Variants in HHLA2 observed in about 807,000 individuals in gnomAD.
The protein encoded by HHLA2 is HERV-H LTR-associating protein 2.
HHLA2 carries 48 observed loss-of-function variants against 45.9 expected under a neutral mutation model. The observed-to-expected ratio is 1.05, with a 90% CI of 0.83 to 1.33. The LOEUF (loss-of-function observed/expected upper bound fraction) is 1.33. Ranked by LOEUF, HHLA2 falls within the 40% of genes most tolerant of loss-of-function variation. The pLI, the probability that HHLA2 is intolerant of heterozygous loss-of-function variation, is 0.00. For missense variants in HHLA2, 462 were observed against 494.3 expected (o/e 0.93, Z 0.62); for synonymous variants, 161 against 173.9 (o/e 0.93, Z 0.59).
At chr3:108,306,773 C>A (rs2080937154) in intron 1 of HHLA2, among the ~76,000 whole-genome samples, 1 of 152,162 alleles carries the variant, frequency 6.6e-6, no homozygotes, top group African/African-American at 2.4e-5. Flanking sequence ...TCTTGTTAAT[C>A]AATTTTTGAC....
chr3:108,344,001 T>C (rs1011544629), intron 3 of HHLA2, among the ~76,000 whole-genome samples: 1 of 152,216 alleles, frequency 6.6e-6, no homozygotes, highest in Non-Finnish European at 1.5e-5. Context: ...AGAGCTTTCA[T>C]TACTTCAGTG....
At chr3:108,377,076 T>G (rs1041561631) in intron 10 of HHLA2, 182 bp from the exon 10 acceptor site, 4 of 561,290 alleles carry the variant, frequency 7.1e-6, no homozygotes, top group Non-Finnish European at 1.3e-5. Flanking sequence ...AGATTAAAAT[T>G]AACTGATAAG....
chr3:108,376,790 ATTG>A (rs2107524271), intron 10 of HHLA2: 1 of 431,450 alleles, frequency 2.3e-6, no homozygotes, highest in East Asian at 4.1e-5. Context: ...CTTGTCTCCT[ATTG>A]TTATTTGTAG....
intron 3 of HHLA2, among the ~76,000 whole-genome samples, chr3:108,329,560 A>C (rs2081348462): frequency 1.3e-5 from 2 of 152,142 alleles, no homozygotes; most frequent in Admixed American, 1.3e-4. Context: ...AAAGATTCTG[A>C]ACTTAAAGGG....
chr3:108,334,392 C>T (rs1010562589), intron 3 of HHLA2, among the ~76,000 whole-genome samples: 4 of 152,172 alleles, frequency 2.6e-5, no homozygotes, highest in African/African-American at 7.2e-5. Flanking sequence ...GAATAAGGTA[C>T]GAGTATCTGC....
intron 1 of HHLA2, among the ~76,000 whole-genome samples, chr3:108,308,673 T>C (rs1317449546): frequency 6.6e-6 from 1 of 152,236 alleles, no homozygotes; most frequent in Non-Finnish European, 1.5e-5. Context: ...TGCCAGCATT[T>C]GTTATTGCCT....
At chr3:108,338,183 GATATCTATATATCAAAGAT>G (rs1182122818) in intron 3 of HHLA2, among the ~76,000 whole-genome samples, 1 of 150,796 alleles carries the variant, frequency 6.6e-6, no homozygotes, top group East Asian at 1.9e-4. Context: ...ATATAGATTT[GATATCTATATATCAAAGAT>G]ATATATATAT....
At chr3:108,331,971 G>A (rs1321573992) in intron 3 of HHLA2, among the ~76,000 whole-genome samples, 2 of 152,116 alleles carry the variant, frequency 1.3e-5, no homozygotes, top group Non-Finnish European at 2.9e-5. Context: ...AGATGGAGAG[G>A]AATCTTGTGG....
At chr3:108,358,919 A>G (rs1212959396) in intron 7 of HHLA2, among the ~76,000 whole-genome samples, 17 of 152,190 alleles carry the variant, frequency 1.1e-4, no homozygotes, top group Admixed American at 1.1e-3. Context: ...TGGTGATTCT[A>G]CGTAGTGAGA....
At chr3:108,351,692 G>A (rs1275112883) in intron 3 of HHLA2, 96 bp from the exon 3 acceptor site, 1 of 678,666 alleles carries the variant, frequency 1.5e-6, no homozygotes, top group Middle Eastern at 2.5e-4. Flanking sequence ...ATATTTAATG[G>A]CCACAAAACA....
intron 8 of HHLA2, among the ~76,000 whole-genome samples, chr3:108,367,510 T>C (rs887245015): frequency 6.6e-6 from 1 of 151,792 alleles, no homozygotes. Flanking sequence ...GAGGAGAATA[T>C]AAATGACCTG....
At position 108,324,309 on chromosome 3, in the gene HHLA2, A is replaced by G. The variant is rs72937765; in HGVS notation, c.-104-3961A>G. Among the ~76,000 whole-genome samples, 1,096 of 152,296 alleles carry G rather than the reference A, an allele frequency of 7.2e-3. 13 individuals carry two copies. Among genetic ancestry groups the G allele is most frequent in the African/African-American group, 0.025 (1,035 of 41,562 alleles). On this transcript the variant is annotated intron_variant, in intron 2 of 10. Coordinates refer to ENST00000619531, the Ensembl canonical transcript of HHLA2. ...ATATATGAATATGTAAGCTTTTTTCATATAACAAGAGCATTTTTGCTGTTC... is the reference window on the plus strand; with the variant it reads ...ATATATGAATATGTAAGCTTTTTTCGTATAACAAGAGCATTTTTGCTGTTC...
exon 10 of HHLA2, chr3:108,376,545 C>T (rs374982963): frequency 3.7e-5 from 60 of 1,611,782 alleles, no homozygotes; most frequent in Middle Eastern, 1.7e-4. Context: ...CCGATAATGG[C>T]GAAGAAAATG....
At chr3:108,332,536 C>G (rs1482707901) in intron 3 of HHLA2, among the ~76,000 whole-genome samples, 1 of 152,146 alleles carries the variant, frequency 6.6e-6, no homozygotes, top group Non-Finnish European at 1.5e-5. Flanking sequence ...ATAACAGAGT[C>G]CTAACAGTAG....
intron 2 of HHLA2, among the ~76,000 whole-genome samples, chr3:108,322,652 C>G (rs1343119002): frequency 6.6e-6 from 1 of 152,172 alleles, no homozygotes; most frequent in Non-Finnish European, 1.5e-5. Flanking sequence ...CTCATTCTTG[C>G]TTTCGAAACG....
At chr3:108,362,512 A>C in intron 8 of HHLA2, 66 bp downstream of exon 7, 1 of 1,047,682 alleles carries the variant, frequency 9.5e-7, no homozygotes. Flanking sequence ...TAACATGGAA[A>C]TACATGCCCA....
At chr3:108,321,885 C>G (rs1397032729) in intron 2 of HHLA2, among the ~76,000 whole-genome samples, 2 of 152,110 alleles carry the variant, frequency 1.3e-5, no homozygotes, top group African/African-American at 2.4e-5. Context: ...GACTTCTGCT[C>G]TTATGTTCTC....
chr3:108,363,484 T>G (rs991850887), intron 8 of HHLA2, among the ~76,000 whole-genome samples: 1 of 152,096 alleles, frequency 6.6e-6, no homozygotes, highest in Non-Finnish European at 1.5e-5. Context: ...CCTGCTGAAG[T>G]TAGGAGATTA....
intron 3 of HHLA2, among the ~76,000 whole-genome samples, chr3:108,340,862 G>A (rs1018925112): frequency 1.0e-4 from 15 of 150,080 alleles, no homozygotes; most frequent in African/African-American, 3.7e-4. Flanking sequence ...AAAGAAACAG[G>A]GGTCCTGGAG....
Sources: gnomAD v4.1 joint callset for allele counts (sites outside exome capture counted in the v4.1 genomes callset) on GRCh38, gnomAD v4.1.1 for gene constraint, MANE v1.5 for transcripts, NCBI Gene and HGNC (gene_info 2026-07-23, HGNC 2026-07-21) for gene names.